The following KLHL29 variants were observed in gnomAD, a reference collection of about 807,000 sequenced individuals.
KLHL29 encodes the protein kelch like family member 29.
Under a neutral mutation model 80.4 loss-of-function variants are expected in KLHL29, and 21 were observed. The ratio of observed to expected loss-of-function variants is 0.26; its 90% CI spans 0.19 to 0.38. KLHL29 has a LOEUF of 0.38. Among genes scored for constraint, KLHL29 ranks in the 10% least tolerant of loss-of-function variants. The probability of loss-of-function intolerance (pLI) is 1.00; values close to 1 mark genes in which losing one functional copy is unlikely to be tolerated. For synonymous variants in KLHL29, 511 were observed against 526.8 expected (o/e 0.97, Z 0.41); for missense variants, 867 against 1,223.9 (o/e 0.71, Z 4.35).
chr2:23,528,103 T>C (rs1041016938), intron 2 of KLHL29, among the ~76,000 whole-genome samples: 1 of 152,258 alleles, frequency 6.6e-6, no homozygotes, highest in Non-Finnish European at 1.5e-5. Context: ...AAATTAATTT[T>C]AGTCTTTCTT....
rs192773718 is a variant in KLHL29 at position 23,442,175 on chromosome 2, C to T, written c.-153-33385C>T. ...AACGGCTTACTGCAGTCTCTATCTC[C>T]TACCTCCCAGGCTCAAGCAATCCTC... is the stretch of plus-strand genomic sequence containing the variant. On this transcript the variant is annotated intron_variant, in intron 1 of 13. Coordinates refer to ENST00000486442, the MANE Select transcript of KLHL29 (RefSeq NM_052920.2). Among the ~76,000 whole-genome samples, 416 of 152,196 alleles carry T rather than the reference C, an allele frequency of 2.7e-3. 4 individuals carry two copies. The highest frequency in any genetic ancestry group is 9.4e-3 in the African/African-American group (391 of 41,526).
At chr2:23,655,924 A>G (rs1420787400) in intron 5 of KLHL29, among the ~76,000 whole-genome samples, 3 of 152,142 alleles carry the variant, frequency 2.0e-5, no homozygotes, top group Admixed American at 6.5e-5. Context: ...GGACCCCCAA[A>G]GATGCACCGA....
chr2:23,394,880 G>C (rs1666410975), intron 1 of KLHL29, among the ~76,000 whole-genome samples: 1 of 152,210 alleles, frequency 6.6e-6, no homozygotes, highest in African/African-American at 2.4e-5. Context: ...GTGGTCAGAA[G>C]GCTTCCTGGG....
At chr2:23,386,218 C>T (rs1666179172) in intron 1 of KLHL29, among the ~76,000 whole-genome samples, 1 of 152,046 alleles carries the variant, frequency 6.6e-6, no homozygotes, top group African/African-American at 2.4e-5. Context: ...AGGGCTGGCC[C>T]CCAGGGGCGG....
intron 1 of KLHL29, among the ~76,000 whole-genome samples, chr2:23,439,840 A>G (rs536634040): frequency 1.7e-4 from 26 of 152,204 alleles, no homozygotes; most frequent in African/African-American, 6.0e-4. Flanking sequence ...CTTGGTGTAG[A>G]GCTGAGTACA....
intron 5 of KLHL29, among the ~76,000 whole-genome samples, chr2:23,663,114 A>G (rs1014079188): frequency 1.3e-5 from 2 of 151,796 alleles, no homozygotes; most frequent in Admixed American, 1.3e-4. Context: ...GGCTTCCCCT[A>G]CCGCGCCCTG....
chr2:23,613,945 TA>T (rs966256381), intron 3 of KLHL29, among the ~76,000 whole-genome samples: 7 of 151,922 alleles, frequency 4.6e-5, no homozygotes, highest in Admixed American at 2.6e-4. Context: ...TTCTATCCCT[TA>T]AAAAAAGATA....
At chr2:23,559,025 G>C (rs902373035) in intron 2 of KLHL29, among the ~76,000 whole-genome samples, 1 of 151,942 alleles carries the variant, frequency 6.6e-6, no homozygotes, top group Non-Finnish European at 1.5e-5. Context: ...GACTGGATGA[G>C]AGTCTCTCAC....
In KLHL29 at chr2:23,680,838, C is replaced by T. The variant is rs1413491104; in HGVS notation, c.941-3561C>T. Among the ~76,000 whole-genome samples, 2 of 151,948 alleles carry T rather than the reference C, an allele frequency of 1.3e-5. No individual in the cohort carries two copies. The highest frequency in any genetic ancestry group is 1.5e-5 in the Non-Finnish European group (1 of 67,984). ...GGGTCTCTAGGCCATCATCTTCTCC[C>T]GCAGAATCCTGGAGCAGGATAGTGC... On this transcript the variant is annotated intron_variant, in intron 5 of 13. Transcript: ENST00000486442. This position sits in a 1 kb window ranked among gnomAD's most constrained non-coding sequence, Gnocchi z 4.1.
chr2:23,621,901 G>A (rs901658496), intron 3 of KLHL29, among the ~76,000 whole-genome samples: 1 of 152,280 alleles, frequency 6.6e-6, no homozygotes, highest in African/African-American at 2.4e-5. Flanking sequence ...CCCTGGGAGC[G>A]TGAAGGTGGA....
chr2:23,465,311 C>G (rs1664317892), intron 1 of KLHL29, among the ~76,000 whole-genome samples: 1 of 152,202 alleles, frequency 6.6e-6, no homozygotes, highest in Non-Finnish European at 1.5e-5. Context: ...AGTGCTGCAC[C>G]CATTTTCCAG....
intron 3 of KLHL29, among the ~76,000 whole-genome samples, chr2:23,592,805 A>G (rs932331060): frequency 1.3e-5 from 2 of 152,158 alleles, no homozygotes; most frequent in African/African-American, 4.8e-5. Context: ...CTGGCCCCCA[A>G]AGGGGAATGG....
chr2:23,408,969 G>C (rs1180852582), intron 1 of KLHL29, among the ~76,000 whole-genome samples: 1 of 152,172 alleles, frequency 6.6e-6, no homozygotes, highest in Non-Finnish European at 1.5e-5. Context: ...GGAGTTTGGG[G>C]TTCACAGCTC....
intron 2 of KLHL29, among the ~76,000 whole-genome samples, chr2:23,544,105 CAGAT>C (rs1182533327): frequency 1.3e-5 from 2 of 152,186 alleles, no homozygotes; most frequent in Non-Finnish European, 2.9e-5. Flanking sequence ...CTGCCCCCAT[CAGAT>C]AGGGGCAGTC....
chr2:23,546,506 G>A (rs1355545898), intron 2 of KLHL29, among the ~76,000 whole-genome samples: 2 of 152,226 alleles, frequency 1.3e-5, no homozygotes, highest in East Asian at 3.9e-4. Flanking sequence ...TGCATGAAAG[G>A]TATCCGGCAC....
intron 1 of KLHL29, among the ~76,000 whole-genome samples, chr2:23,455,391 T>G (rs1316449028): frequency 6.6e-6 from 1 of 152,258 alleles, no homozygotes; most frequent in East Asian, 1.9e-4. Flanking sequence ...TTTGGTTGGT[T>G]TATCATTACT....
chr2:23,397,576 T>C (rs556060530), intron 1 of KLHL29, among the ~76,000 whole-genome samples: 167 of 152,318 alleles, frequency 1.1e-3, no homozygotes, highest in Non-Finnish European at 1.9e-3. Context: ...ATAGTCTCCT[T>C]GGTCCCAGGA....
chr2:23,693,058 G>A (rs1671722142), intron 7 of KLHL29, among the ~76,000 whole-genome samples: 4 of 152,142 alleles, frequency 2.6e-5, no homozygotes, highest in Admixed American at 2.6e-4. Context: ...GGAGGCCCCT[G>A]GGAGTCAGCA....
intron 2 of KLHL29, among the ~76,000 whole-genome samples, chr2:23,514,039 A>G (rs1665853849): frequency 1.3e-5 from 2 of 152,236 alleles, no homozygotes; most frequent in Admixed American, 1.3e-4. Flanking sequence ...CATTGTTTAC[A>G]ATAAGTGGTA....
Sources: allele counts gnomAD v4.1 joint callset (sites outside exome capture counted in the v4.1 genomes callset), GRCh38; gene constraint gnomAD v4.1.1; non-coding constraint Gnocchi (gnomAD v3.1); transcripts MANE v1.5; gene names NCBI Gene and HGNC (gene_info 2026-07-23, HGNC 2026-07-21).